PARL: variants seen among roughly 807,000 people sequenced by gnomAD.
PARL encodes presenilin-associated rhomboid-like protein, mitochondrial.
In PARL, 44 loss-of-function variants were observed where a neutral mutation model predicts 51.6. The observed-to-expected ratio is 0.85, with a 90% confidence interval of 0.67 to 1.10. The LOEUF is 1.10. Among genes scored for constraint, PARL ranks in the 50% least tolerant of loss-of-function variants. The pLI, the probability that PARL is intolerant of heterozygous loss-of-function variation, is 0.00. For synonymous variants in PARL, 172 were observed against 164.0 expected (o/e 1.05, Z -0.37); for missense variants, 441 against 469.5 (o/e 0.94, Z 0.56).
Position 183,833,597 on chromosome 3 carries a change from G to A in PARL, c.931-8C>T. The A allele has an allele frequency of 6.3e-7, 1 of 1,598,786 alleles. No individual in the cohort carries two copies. Among genetic ancestry groups the A allele is most frequent in the Non-Finnish European group, 8.6e-7 (1 of 1,165,940 alleles). On this transcript the variant is annotated splice_region_variant and splice_polypyrimidine_tract_variant and intron_variant, in intron 8 of 9. Transcript: ENST00000317096. ...GATAATGGCTTTCAGGGCCTGAAAG[G>A]CAGCAAGAAACAAGCGGCACAACTG...
chr3:183,850,273 T>TC (rs1730406845), intron 4 of PARL, among the ~76,000 whole-genome samples: 1 of 152,190 alleles, frequency 6.6e-6, no homozygotes, highest in Non-Finnish European at 1.5e-5. Context: ...GTGTCCTTCC[T>TC]CCCCTCTTCC....
chr3:183,842,596 T>C (rs1729458057), intron 5 of PARL, 149 bp from the exon 6 acceptor site: 1 of 689,636 alleles, frequency 1.5e-6, no homozygotes, highest in Non-Finnish European at 2.6e-6. Flanking sequence ...GATCACTAAG[T>C]CAGGAGTTCA....
At chr3:183,832,512 C>T (rs978584220) in intron 9 of PARL, among the ~76,000 whole-genome samples, 11 of 152,056 alleles carry the variant, frequency 7.2e-5, no homozygotes, top group Non-Finnish European at 1.3e-4. Flanking sequence ...AGCCACTGCA[C>T]CTGGCCAGAA....
intron 3 of PARL, among the ~76,000 whole-genome samples, chr3:183,865,299 C>T (rs577780315): frequency 6.6e-5 from 10 of 151,986 alleles, no homozygotes; most frequent in Admixed American, 1.3e-4. Flanking sequence ...CAGAGTGGGA[C>T]GCTGTCTCTT....
intron 4 of PARL, among the ~76,000 whole-genome samples, chr3:183,848,771 G>T (rs980156739): frequency 1.3e-5 from 2 of 152,192 alleles, no homozygotes; most frequent in African/African-American, 4.8e-5. Context: ...TTTTAAGTTT[G>T]AGGCTGCCTG....
intron 1 of PARL, among the ~76,000 whole-genome samples, chr3:183,882,251 A>ATATATATATATATATATT: frequency 2.0e-5 from 1 of 50,682 alleles, no homozygotes; most frequent in East Asian, 5.4e-4. Flanking sequence ...ATATTTATAT[A>ATATATATATATATATATT]TATATATATA....
intron 5 of PARL, among the ~76,000 whole-genome samples, chr3:183,843,615 G>C (rs921804063): frequency 1.2e-4 from 19 of 152,294 alleles, no homozygotes; most frequent in Middle Eastern, 3.4e-3. Context: ...CGGATCACGA[G>C]GTCAGGAGAT....
intron 4 of PARL, among the ~76,000 whole-genome samples, chr3:183,859,749 T>C (rs1273964328): frequency 6.6e-6 from 1 of 152,162 alleles, no homozygotes; most frequent in Non-Finnish European, 1.5e-5. Context: ...CAAAGAGACA[T>C]GGATAAATTT....
intron 1 of PARL, among the ~76,000 whole-genome samples, chr3:183,877,275 T>C (rs778802581): frequency 6.6e-6 from 1 of 152,302 alleles, no homozygotes; most frequent in Middle Eastern, 3.4e-3. Flanking sequence ...TGTGATTGAA[T>C]TGCTGCAATC....
chr3:183,826,528 G>T (rs181744779), downstream of PARL: 1,794 of 791,902 alleles, frequency 2.3e-3, 2 homozygotes, highest in Non-Finnish European at 2.6e-3. Context: ...GTACTTGGAA[G>T]GTATCCAGTC....
intron 1 of PARL, among the ~76,000 whole-genome samples, chr3:183,871,169 C>T (rs1361382901): frequency 6.6e-6 from 1 of 151,948 alleles, no homozygotes; most frequent in Non-Finnish European, 1.5e-5. Context: ...TAAGATGGTA[C>T]TATACTCAAA....
intron 4 of PARL, among the ~76,000 whole-genome samples, chr3:183,859,618 C>A (rs1577346137): frequency 6.6e-6 from 1 of 152,112 alleles, no homozygotes; most frequent in Non-Finnish European, 1.5e-5. Flanking sequence ...GGATTACAGG[C>A]ATGAGCCACT....
At chr3:183,863,754 T>C (rs1165462544) in intron 3 of PARL, among the ~76,000 whole-genome samples, 1 of 152,174 alleles carries the variant, frequency 6.6e-6, no homozygotes, top group Non-Finnish European at 1.5e-5. Context: ...TCTATAATTA[T>C]AATTGCACTG....
At position 183,844,252 on chromosome 3, in the gene PARL, A is replaced by G; in HGVS notation, c.586T>C (p.Phe196Leu). 1 of 1,605,648 alleles carries G rather than the reference A, an allele frequency of 6.2e-7. No homozygotes were observed. Among genetic ancestry groups the G allele is most frequent in the Non-Finnish European group, 8.5e-7 (1 of 1,173,208 alleles). Residue 196 changes from phenylalanine to leucine, a missense_variant, in exon 5 of 10, where the codon TTC (phenylalanine) becomes CTC (leucine). Transcript: ENST00000317096. ...PSLQRTMIRYFTSNPASKVLC... is the reference protein window; with the variant it reads ...PSLQRTMIRYLTSNPASKVLC... ...TTACTTGAGGCTGGATTCGATGTGA[A>G]ATATCTGATCATTGTCCGCTGCAGA...
In PARL at chr3:183,838,036, T is replaced by TC. The variant is rs999470710; in HGVS notation, c.828+2533_828+2534insG. ...GTCCCATTCAACTTTCTTTTTTTTT[T>TC]TTTGAGATGGGGTCTCGCTATGTTG... On this transcript the variant is annotated intron_variant, in intron 7 of 9. Coordinates refer to ENST00000317096, the MANE Select transcript of PARL (RefSeq NM_018622.7). Among the ~76,000 whole-genome samples the TC allele has an allele frequency of 1.7e-4, 26 of 151,804 alleles. No individual in the cohort carries two copies. The South Asian group carries it at 3.5e-3, about 21-fold the overall frequency.
intron 4 of PARL, among the ~76,000 whole-genome samples, chr3:183,854,018 C>T (rs1730854005): frequency 1.3e-5 from 2 of 152,188 alleles, no homozygotes; most frequent in South Asian, 4.2e-4. Flanking sequence ...GCAAGTGGAT[C>T]ACCTGAGGTC....
chr3:183,836,467 T>C (rs971083420), intron 7 of PARL, among the ~76,000 whole-genome samples: 2 of 152,196 alleles, frequency 1.3e-5, no homozygotes, highest in Non-Finnish European at 2.9e-5. Context: ...TCACAACTTG[T>C]TTTTTGACAA....
At chr3:183,878,745 G>A (rs1734122049) in intron 1 of PARL, among the ~76,000 whole-genome samples, 1 of 152,162 alleles carries the variant, frequency 6.6e-6, no homozygotes, top group Non-Finnish European at 1.5e-5. Context: ...CTGGGGCAAG[G>A]TGAGTCTGAG....
At chr3:183,831,756 A>T (rs1252544835) in intron 9 of PARL, among the ~76,000 whole-genome samples, 1 of 152,230 alleles carries the variant, frequency 6.6e-6, no homozygotes, top group Non-Finnish European at 1.5e-5. Flanking sequence ...AAAAAAAATA[A>T]ATAAAAGATT....
Sources: gnomAD v4.1 joint callset for allele counts (sites outside exome capture counted in the v4.1 genomes callset) on GRCh38, gnomAD v4.1.1 for gene constraint, MANE v1.5 for transcripts, NCBI Gene and HGNC (gene_info 2026-07-23, HGNC 2026-07-21) for gene names.